NOP14: variants seen among roughly 807,000 people sequenced by gnomAD.
NOP14 encodes NOP14 nucleolar protein.
Under a neutral mutation model 101.6 loss-of-function variants are expected in NOP14, and 57 were observed. That is an observed-to-expected ratio of 0.56 (90% CI 0.45 to 0.70). NOP14 has a LOEUF of 0.70. NOP14 is among the 30% of genes least tolerant of loss of function. NOP14 has a pLI of 0.00. For missense variants in NOP14, 1,134 were observed against 1,075.5 expected, an observed-to-expected ratio of 1.05 and a Z score of -0.76; for synonymous variants, 428 against 424.0, an observed-to-expected ratio of 1.01 and a Z score of -0.12.
rs936722374 is a variant in NOP14, at chr4:2,957,602, A to G, written c.330+4T>C. 2 of 1,613,768 alleles carry G rather than the reference A, an allele frequency of 1.2e-6. No homozygotes were observed. Among genetic ancestry groups the G allele is most frequent in the Non-Finnish European group, 1.7e-6 (2 of 1,179,884 alleles). On this transcript the variant is annotated splice_donor_region_variant and intron_variant, in intron 2 of 17. Coordinates refer to ENST00000416614, the MANE Select transcript of NOP14 (RefSeq NM_001291978.2). ...AAAAACCCTCCTCCAGTTTCTTTCC[A>G]TACCTGCTGTTCCAGAGCAAACCTC...
chr4:2,955,116 C>T (rs1184032857), intron 3 of NOP14, among the ~76,000 whole-genome samples: 5 of 138,550 alleles, frequency 3.6e-5, no homozygotes, highest in East Asian at 2.3e-4. Context: ...TAGTCACCTG[C>T]GCCACAGCGC....
Position 2,938,714 on chromosome 4 carries a change from C to T in NOP14, c.*117G>A. The T allele has an allele frequency of 1.3e-6, 1 of 775,484 alleles. No homozygotes were observed. Among genetic ancestry groups the T allele is most frequent in the Non-Finnish European group, 2.1e-6 (1 of 472,934 alleles). The allele number at this position is 775,484 out of a possible 1,614,324, so 48.0% of individuals were successfully genotyped here. ...GTAGAGACGGGGTCTTCCTGTGTTG[C>T]CCAGGCTGGTCTCGAACTCCTGGGC... On this transcript the variant is annotated 3_prime_UTR_variant, in exon 18 of 18. Coordinates refer to ENST00000416614, the MANE Select transcript of NOP14 (RefSeq NM_001291978.2).
At chr4:2,952,922 CAG>C (rs1715122282) in intron 5 of NOP14, among the ~76,000 whole-genome samples, 1 of 152,242 alleles carries the variant, frequency 6.6e-6, no homozygotes, top group Admixed American at 6.5e-5. Context: ...GCCTGGGTGA[CAG>C]AGCGAGACTC....
At chr4:2,957,775 T>A in intron 1 of NOP14, 35 bp from the exon 2 acceptor site, 2 of 1,607,180 alleles carry the variant, frequency 1.2e-6, no homozygotes, top group Non-Finnish European at 1.7e-6. Flanking sequence ...TCACAAAAAA[T>A]TCTTGTGATT....
rs199770168 is a variant in NOP14, at chr4:2,950,095, T to A, written c.1121A>T (p.Asp374Val). 6.2e-7 allele frequency: 1 copy of A among 1,614,146 alleles called. No homozygotes were observed. The change falls in exon 8 of 18, where the codon GAC becomes GTC. Residue 374 changes from aspartate (D) to valine (V), a missense_variant. Asp to Val is a radical substitution (Grantham distance 152, BLOSUM62 -3). Coordinates refer to ENST00000416614, the MANE Select transcript of NOP14 (RefSeq NM_001291978.2). ...SSGGEDTEES[D>V]SPDSHLDLES... ...CAGGTCCAAGTGGCTATCTGGGCTG[T>A]CGCTCTCCTCTGTGTCCTCCCCGCC...
intron 4 of NOP14, 110 bp from the exon 5 acceptor site, chr4:2,953,755 A>C: frequency 8.3e-7 from 1 of 1,210,850 alleles, no homozygotes; most frequent in Non-Finnish European, 1.2e-6. Flanking sequence ...GTTGGCACCA[A>C]ACGTTTCAAC....
chr4:2,954,984 G>A (rs576604042), intron 3 of NOP14, among the ~76,000 whole-genome samples: 2 of 151,112 alleles, frequency 1.3e-5, no homozygotes, highest in South Asian at 2.1e-4. Context: ...GTACCACGGC[G>A]CCCCCTCTAG....
intron 1 of NOP14, chr4:2,961,457 C>G (rs1302834378): frequency 6.6e-6 from 1 of 152,124 alleles, no homozygotes; most frequent in Non-Finnish European, 1.5e-5. Flanking sequence ...CTACAACTGA[C>G]CAGAGGGGAG....
intron 5 of NOP14, among the ~76,000 whole-genome samples, chr4:2,952,958 C>T (rs952187421): frequency 6.6e-6 from 1 of 152,180 alleles, no homozygotes; most frequent in East Asian, 1.9e-4. Context: ...AACAAAAACG[C>T]TACTTATCCA....
At chr4:2,944,911 C>T (rs547052761) in intron 12 of NOP14, among the ~76,000 whole-genome samples, 1 of 152,370 alleles carries the variant, frequency 6.6e-6, no homozygotes, top group African/African-American at 2.4e-5. Flanking sequence ...CCATCTGTAA[C>T]CTTGAGGTGC....
chr4:2,938,626 C>G lies in NOP14; in HGVS notation c.*205G>C. The G allele has an allele frequency of 1.8e-6, 1 of 566,596 alleles. No individual in the cohort carries two copies. Among genetic ancestry groups the G allele is most frequent in the East Asian group, 3.1e-5 (1 of 32,714 alleles). The allele number at this position is 566,596 out of a possible 1,614,324, so 35.1% of individuals were successfully genotyped here. ...GCTCAAGCAGTCCTCCTGCTTCAGC[C>G]TCCCGAGTAGTTGGGACTACAGGTG... On this transcript the variant is annotated 3_prime_UTR_variant, in exon 18 of 18. Transcript: ENST00000416614.
At chr4:2,961,313 A>AATAATAT (rs1577858810) in intron 1 of NOP14, 6 of 19,290 alleles carry the variant, frequency 3.1e-4, no homozygotes, top group African/African-American at 7.3e-4. Flanking sequence ...TTACTGATTT[A>AATAATAT]AGAACTACAT....
In NOP14 at chr4:2,940,077, G is replaced by A. The variant is rs568103635; in HGVS notation, c.2200-432C>T. Among the ~76,000 whole-genome samples the A allele has an allele frequency of 2.3e-4, 35 of 152,374 alleles. No individual in the cohort carries two copies. The South Asian group carries it at 5.4e-3, about 23-fold the overall frequency. ...GAACCCCTTTCTGCCGCGGGGGGCC[G>A]TGTGCATGCTAGAGCCCAGTGTGCA... On this transcript the variant is annotated intron_variant, in intron 15 of 17. Transcript: ENST00000416614.
chr4:2,939,269 C>A lies in NOP14; in HGVS notation c.2393G>T (p.Arg798Leu), dbSNP rs148382749. The A allele has an allele frequency of 6.1e-5, 99 of 1,614,046 alleles. No homozygotes were observed. The South Asian group carries it at 1.1e-3, about 17-fold the overall frequency. The change falls in exon 17 of 18, where the codon CGT (arginine) becomes CTT (leucine). Residue 798 changes from arginine (R) to leucine (L), a missense_variant. Physicochemically the swap from Arg to Leu is moderately radical, Grantham distance 102. Coordinates refer to ENST00000416614, the MANE Select transcript of NOP14 (RefSeq NM_001291978.2). The part of the protein sequence containing the change: ...ERKRLIHKHK[R>L]EFKGAVREIR... The stretch of plus-strand genomic sequence containing the variant: ...TTCTCGAACGGCCCCTTTAAATTCA[C>A]GCTTGTGTTTGTGGATCAGCCTCTT...
intron 11 of NOP14, among the ~76,000 whole-genome samples, chr4:2,945,590 A>C (rs1714563221): frequency 6.6e-6 from 1 of 152,246 alleles, no homozygotes. Flanking sequence ...CAACAGAATA[A>C]AGAGCGTATC....
intron 1 of NOP14, among the ~76,000 whole-genome samples, chr4:2,961,167 G>T (rs1288609093): frequency 3.8e-4 from 1 of 2,638 alleles, no homozygotes; most frequent in African/African-American, 1.5e-3. Flanking sequence ...ATATTAATAT[G>T]CTATTACAAT....
At chr4:2,954,759 C>G (rs1035811239) in intron 3 of NOP14, among the ~76,000 whole-genome samples, 196 bp from the exon 4 acceptor site, 3 of 152,184 alleles carry the variant, frequency 2.0e-5, no homozygotes, top group African/African-American at 7.2e-5. Flanking sequence ...GTAAGCCACT[C>G]TGAGAAAACC....
intron 17 of NOP14, 23 bp from the exon 18 acceptor site, chr4:2,938,953 G>A (rs1178758672): frequency 1.2e-6 from 2 of 1,601,808 alleles, no homozygotes; most frequent in East Asian, 2.2e-5. Context: ...AAAGGCAAAT[G>A]CCCATTTTTG....
intron 1 of NOP14, among the ~76,000 whole-genome samples, chr4:2,961,118 TAATATTATAA>T: frequency 1.2e-5 from 1 of 80,114 alleles, no homozygotes; most frequent in Non-Finnish European, 2.2e-5. Flanking sequence ...AATAATATAT[TAATATTATAA>T]TAATATATTA....
Sources: allele counts gnomAD v4.1 joint callset (sites outside exome capture counted in the v4.1 genomes callset), GRCh38; gene constraint gnomAD v4.1.1; transcripts MANE v1.5; gene names NCBI Gene and HGNC (gene_info 2026-07-23, HGNC 2026-07-21).